Variants in FGF14 observed in about 807,000 individuals in gnomAD.
FGF14 encodes the protein fibroblast growth factor 14.
In FGF14, 5 loss-of-function variants were observed where a neutral mutation model predicts 25.5. The ratio of observed to expected loss-of-function variants is 0.20; its 90% CI spans 0.10 to 0.41. The LOEUF is 0.41. Ranked by LOEUF, FGF14 falls within the 10% of genes least tolerant of loss-of-function variation. The pLI, the probability that FGF14 is intolerant of heterozygous loss-of-function variation, is 1.00. For missense variants in FGF14, 222 were observed against 320.1 expected, an observed-to-expected ratio of 0.69 and a Z score of 2.34; for synonymous variants, 138 against 118.3, an observed-to-expected ratio of 1.17 and a Z score of -1.08.
At chr13:102,126,624 T>C (rs900123302) in intron 1 of FGF14, among the ~76,000 whole-genome samples, 1 of 152,236 alleles carries the variant, frequency 6.6e-6, no homozygotes, top group Non-Finnish European at 1.5e-5. Context: ...TCATATTTTT[T>C]TGAGAAACTG....
At chr13:102,060,077 A>T (rs2042611432) in intron 1 of FGF14, among the ~76,000 whole-genome samples, 1 of 152,142 alleles carries the variant, frequency 6.6e-6, no homozygotes, top group South Asian at 2.1e-4. Flanking sequence ...GCTCAAAGGA[A>T]ATGCTGATTG....
At chr13:102,217,886 T>G (rs906706271) in intron 1 of FGF14, among the ~76,000 whole-genome samples, 1 of 152,154 alleles carries the variant, frequency 6.6e-6, no homozygotes, top group African/African-American at 2.4e-5. Flanking sequence ...CCCGGAACAC[T>G]GGTGGCTGGG....
At chr13:102,311,965 C>T (rs1264314010) in intron 1 of FGF14, among the ~76,000 whole-genome samples, 3 of 152,106 alleles carry the variant, frequency 2.0e-5, no homozygotes, top group Non-Finnish European at 2.9e-5. Flanking sequence ...ATTTGGCCCA[C>T]ACATTTTAAT....
At chr13:101,734,145 T>A (rs1469245668) in intron 3 of FGF14, among the ~76,000 whole-genome samples, 1 of 152,090 alleles carries the variant, frequency 6.6e-6, no homozygotes, top group Non-Finnish European at 1.5e-5. Context: ...ACCTCAGACC[T>A]ACAGAATCAG....
Position 101,714,587 on chromosome 13 carries a change from C to A in FGF14, c.*8244G>T. ...AACCTTTTCTAATTGCTCTATGCCA[C>A]AGTTTGTTATAGAGCCAAGAGACAC... On this transcript the variant is annotated 3_prime_UTR_variant, in exon 5 of 5. Coordinates refer to ENST00000376143, the MANE Select transcript of FGF14 (RefSeq NM_004115.4). 2.4e-6 allele frequency: 3 copies of A among 1,242,270 alleles called. No homozygotes were observed. The highest frequency in any genetic ancestry group is 3.6e-6 in the Non-Finnish European group (3 of 841,478). The allele number at this position is 1,242,270 out of a possible 1,614,324, so 77.0% of individuals were successfully genotyped here.
At chr13:102,055,150 A>G (rs538727866) in intron 1 of FGF14, among the ~76,000 whole-genome samples, 8 of 152,266 alleles carry the variant, frequency 5.3e-5, no homozygotes, top group African/African-American at 1.9e-4. Flanking sequence ...CAAAAATCCA[A>G]CCTAGTTTTT....
chr13:102,090,813 A>C (rs2044131167), intron 1 of FGF14, among the ~76,000 whole-genome samples: 2 of 152,236 alleles, frequency 1.3e-5, no homozygotes, highest in Non-Finnish European at 2.9e-5. Flanking sequence ...TCTAACAGCG[A>C]TGAGATCCTT....
In FGF14 at chr13:101,879,569, C is replaced by A. The variant is rs571011738; in HGVS notation, c.194-4273G>T. ...CGAAAGAAGAATCAGGATAACCAATCAAATGGTGTACTTATTTTAAATTAT... is the reference window on the plus strand; with the variant it reads ...CGAAAGAAGAATCAGGATAACCAATAAAATGGTGTACTTATTTTAAATTAT... On this transcript the variant is annotated intron_variant, in intron 1 of 4. Transcript: ENST00000376143. Among the ~76,000 whole-genome samples the A allele has an allele frequency of 4.8e-3, 734 of 152,192 alleles. 9 individuals carry two copies. The highest frequency in any genetic ancestry group is 0.02 in the South Asian group (97 of 4,816).
At chr13:101,787,144 C>G (rs1302615483) in intron 3 of FGF14, among the ~76,000 whole-genome samples, 1 of 149,172 alleles carries the variant, frequency 6.7e-6, no homozygotes, top group East Asian at 2.0e-4. Context: ...GGCTATAATT[C>G]AGAAAATGTG....
chr13:101,757,672 C>G (rs1308373737), intron 3 of FGF14, among the ~76,000 whole-genome samples: 2 of 152,144 alleles, frequency 1.3e-5, no homozygotes, highest in Admixed American at 1.3e-4. Context: ...ATTTCAATCT[C>G]AAACCTCACT....
intron 1 of FGF14, among the ~76,000 whole-genome samples, chr13:102,255,596 C>A (rs367674779): frequency 1.8e-4 from 27 of 152,276 alleles, no homozygotes; most frequent in African/African-American, 6.5e-4. Flanking sequence ...TTTACCCTTG[C>A]TTATAAATGA....
intron 1 of FGF14, among the ~76,000 whole-genome samples, chr13:101,985,162 A>G (rs1173265439): frequency 6.6e-6 from 1 of 151,734 alleles, no homozygotes; most frequent in Non-Finnish European, 1.5e-5. Context: ...CTCCTATAGA[A>G]GCAGACCCTC....
At chr13:102,126,617 T>C (rs762437802) in intron 1 of FGF14, among the ~76,000 whole-genome samples, 1 of 152,204 alleles carries the variant, frequency 6.6e-6, no homozygotes, top group African/African-American at 2.4e-5. Flanking sequence ...GGTAATTTCA[T>C]ATTTTTTTGA....
intron 1 of FGF14, among the ~76,000 whole-genome samples, chr13:102,392,215 C>T (rs979154961): frequency 9.9e-5 from 15 of 152,204 alleles, no homozygotes; most frequent in Non-Finnish European, 1.8e-4. Flanking sequence ...TAAAAAAGCA[C>T]GTGTGCAAAC....
chr13:102,265,256 C>A (rs2052932079), intron 1 of FGF14, among the ~76,000 whole-genome samples: 1 of 152,216 alleles, frequency 6.6e-6, no homozygotes, highest in Admixed American at 6.5e-5. Context: ...GGTATAAACT[C>A]CTTAACTCTC....
intron 1 of FGF14, among the ~76,000 whole-genome samples, chr13:102,325,648 C>T (rs116208197): frequency 0.022 from 3,418 of 152,230 alleles, 136 homozygotes; most frequent in African/African-American, 0.077. Context: ...GCAACCTCAC[C>T]CGTATTTTAG....
intron 3 of FGF14, among the ~76,000 whole-genome samples, chr13:101,778,293 G>A (rs2039265428): frequency 6.6e-6 from 1 of 152,040 alleles, no homozygotes; most frequent in African/African-American, 2.4e-5. Context: ...CGTTGCCATC[G>A]CTAAGCCACC....
intron 1 of FGF14, among the ~76,000 whole-genome samples, chr13:102,374,644 TTATATATATATATATATATA>T (rs55670716): frequency 0.015 from 733 of 49,362 alleles, 21 homozygotes; most frequent in African/African-American, 0.036. Flanking sequence ...CTTACATATT[TTATATATATATATATATATA>T]TATATATATA....
intron 1 of FGF14, among the ~76,000 whole-genome samples, chr13:102,103,206 A>T (rs754982569): frequency 3.3e-5 from 5 of 152,156 alleles, no homozygotes; most frequent in Non-Finnish European, 7.4e-5. Context: ...ACCAATGGTA[A>T]GTCACAGGCT....
Sources: gnomAD v4.1 joint callset for allele counts (sites outside exome capture counted in the v4.1 genomes callset) on GRCh38, gnomAD v4.1.1 for gene constraint, MANE v1.5 for transcripts, NCBI Gene and HGNC (gene_info 2026-07-23, HGNC 2026-07-21) for gene names.